Variants in MAD1L1 observed in about 807,000 individuals in gnomAD.
MAD1L1 encodes the protein mitotic arrest deficient 1 like 1.
A neutral mutation model predicts 96.9 loss-of-function variants in MAD1L1; 95 were observed. The observed-to-expected ratio is 0.98, with a 90% confidence interval of 0.83 to 1.16. The LOEUF is 1.16. Ranked by LOEUF, MAD1L1 falls within the 50% of genes most tolerant of loss-of-function variation. The pLI, the probability that MAD1L1 is intolerant of heterozygous loss-of-function variation, is 0.00. For missense variants in MAD1L1, 1,007 were observed against 954.4 expected, an observed-to-expected ratio of 1.06 and a Z score of -0.73; for synonymous variants, 473 against 396.6, an observed-to-expected ratio of 1.19 and a Z score of -2.29.
At chr7:2,135,244 G>A (rs1788695716) in intron 11 of MAD1L1, among the ~76,000 whole-genome samples, 1 of 152,176 alleles carries the variant, frequency 6.6e-6, no homozygotes, top group African/African-American at 2.4e-5. Context: ...GCACACCTGT[G>A]CGGGGCCAGA....
chr7:1,920,048 C>T (rs1235196049), intron 17 of MAD1L1, among the ~76,000 whole-genome samples: 1 of 151,808 alleles, frequency 6.6e-6, no homozygotes, highest in African/African-American at 2.4e-5. Context: ...GGAGGGCGCA[C>T]AGCAGGGCTG....
intron 18 of MAD1L1, chr7:1,847,757 T>C (rs1056480478): frequency 2.1e-6 from 1 of 467,150 alleles, no homozygotes; most frequent in South Asian, 1.6e-5. Flanking sequence ...CGGAACACAC[T>C]TGCTGCGTGC....
At chr7:1,924,699 T>C (rs927062062) in intron 17 of MAD1L1, among the ~76,000 whole-genome samples, 1 of 152,034 alleles carries the variant, frequency 6.6e-6, no homozygotes, top group Non-Finnish European at 1.5e-5. Context: ...AACCACAAAC[T>C]ACTTTTTGCC....
chr7:1,949,273 C>T (rs187048940), intron 16 of MAD1L1, among the ~76,000 whole-genome samples: 5 of 152,330 alleles, frequency 3.3e-5, no homozygotes, highest in South Asian at 2.1e-4. Flanking sequence ...AAAGGTCGGG[C>T]GGGTTAACGG....
At chr7:2,083,798 G>C (rs1785774083) in intron 11 of MAD1L1, among the ~76,000 whole-genome samples, 1 of 152,258 alleles carries the variant, frequency 6.6e-6, no homozygotes, top group Non-Finnish European at 1.5e-5. Flanking sequence ...ATCTGTTCCT[G>C]ATACTGCAGG....
intron 18 of MAD1L1, among the ~76,000 whole-genome samples, chr7:1,825,612 A>G (rs1453961826): frequency 6.6e-6 from 1 of 152,200 alleles, no homozygotes. Context: ...AGCTCTGTCC[A>G]CGGGTCTTTG....
At chr7:1,971,793 G>A (rs1242744700) in intron 15 of MAD1L1, among the ~76,000 whole-genome samples, 3 of 152,100 alleles carry the variant, frequency 2.0e-5, no homozygotes, top group Admixed American at 6.5e-5. Flanking sequence ...TGAATCCCAC[G>A]CCAGCAATGG....
intron 10 of MAD1L1, among the ~76,000 whole-genome samples, chr7:2,205,006 C>T (rs1792516406): frequency 6.6e-6 from 1 of 151,802 alleles, no homozygotes; most frequent in Admixed American, 6.6e-5. Flanking sequence ...GTCTTGAAAC[C>T]GCCTTTACAG....
At chr7:2,046,495 C>G (rs996011160) in intron 12 of MAD1L1, among the ~76,000 whole-genome samples, 1 of 148,450 alleles carries the variant, frequency 6.7e-6, no homozygotes, top group Non-Finnish European at 1.5e-5. Context: ...CTTAAAACTT[C>G]TAGTCTACAA....
chr7:1,964,106 C>T (rs1437055665), intron 15 of MAD1L1, among the ~76,000 whole-genome samples: 1 of 152,100 alleles, frequency 6.6e-6, no homozygotes, highest in Non-Finnish European at 1.5e-5. Flanking sequence ...GGGGCCTGGC[C>T]GAGGGCCCAG....
intron 10 of MAD1L1, among the ~76,000 whole-genome samples, chr7:2,173,164 A>G (rs1012738130): frequency 1.3e-5 from 2 of 152,178 alleles, no homozygotes; most frequent in African/African-American, 4.8e-5. Context: ...AAGTTATTTG[A>G]GTCAATTATG....
At chr7:2,095,156 C>T (rs1786418991) in intron 11 of MAD1L1, among the ~76,000 whole-genome samples, 2 of 152,136 alleles carry the variant, frequency 1.3e-5, no homozygotes, top group African/African-American at 4.8e-5. Context: ...CATTCTCCTG[C>T]CTCAGCCTCC....
At chr7:1,889,377 C>T (rs1344089077) in intron 18 of MAD1L1, among the ~76,000 whole-genome samples, 4 of 152,218 alleles carry the variant, frequency 2.6e-5, no homozygotes, top group Non-Finnish European at 5.9e-5. Context: ...AAGGTGGCAT[C>T]CTCACGGGCA....
chr7:1,984,800 G>A (rs921811145), intron 14 of MAD1L1, among the ~76,000 whole-genome samples: 1 of 152,186 alleles, frequency 6.6e-6, no homozygotes, highest in South Asian at 2.1e-4. Flanking sequence ...CTGGATTTGT[G>A]TCTATTTCTG....
chr7:2,016,379 A>G (rs939945), intron 12 of MAD1L1, among the ~76,000 whole-genome samples: 146,764 of 152,296 alleles, frequency 0.96, 70,942 homozygotes, highest in East Asian at 1. Context: ...GATAGAGACC[A>G]GCTCACTCAG....
chr7:1,852,720 G>A (rs894528326), intron 18 of MAD1L1, among the ~76,000 whole-genome samples: 3 of 151,966 alleles, frequency 2.0e-5, no homozygotes, highest in Admixed American at 2.0e-4. Flanking sequence ...TAAATCACCC[G>A]GTGTCGGCAC....
At chr7:2,116,753 G>A (rs761553062) in intron 11 of MAD1L1, among the ~76,000 whole-genome samples, 13 of 152,344 alleles carry the variant, frequency 8.5e-5, no homozygotes, top group Non-Finnish European at 1.0e-4. Flanking sequence ...GGAGGAAGGC[G>A]TCTGGATGTC....
intron 16 of MAD1L1, among the ~76,000 whole-genome samples, chr7:1,940,726 G>A (rs1029654443): frequency 6.6e-6 from 1 of 152,202 alleles, no homozygotes; most frequent in Non-Finnish European, 1.5e-5. Flanking sequence ...CTGCGGGCAC[G>A]GAAACACGAA....
intron 12 of MAD1L1, among the ~76,000 whole-genome samples, chr7:2,032,251 C>T (rs980042580): frequency 2.0e-5 from 3 of 152,144 alleles, no homozygotes; most frequent in African/African-American, 7.2e-5. Flanking sequence ...AATCAGTCCT[C>T]GGAACCACCT....
Sources: allele counts gnomAD v4.1 joint callset (sites outside exome capture counted in the v4.1 genomes callset), GRCh38; gene constraint gnomAD v4.1.1; transcripts MANE v1.5; gene names NCBI Gene and HGNC (gene_info 2026-07-23, HGNC 2026-07-21).